ANKRD30A: variants seen among roughly 807,000 people sequenced by gnomAD.
ANKRD30A encodes the protein ankyrin repeat domain 30A.
ANKRD30A carries 170 observed loss-of-function variants against 166.3 expected under a neutral mutation model. That is an observed-to-expected ratio of 1.02 (90% CI 0.90 to 1.16). The LOEUF (loss-of-function observed/expected upper bound fraction) is 1.16. Ranked by LOEUF, ANKRD30A falls within the 50% of genes most tolerant of loss-of-function variation. The pLI is 0.00. For synonymous variants in ANKRD30A, 564 were observed against 508.9 expected (o/e 1.11, Z -1.46); for missense variants, 1,630 against 1,518.0 (o/e 1.07, Z -1.23).
In ANKRD30A at chr10:37,217,856, G is replaced by A. The variant is rs199618076; in HGVS notation, c.3245G>A (p.Ser1082Asn). The A allele has an allele frequency of 3.3e-5, 51 of 1,553,738 alleles. No individual in the cohort carries two copies. The highest frequency in any genetic ancestry group is 4.4e-5 in the Non-Finnish European group (51 of 1,157,204). ...AGAATACAAGATATAGAATTGAAGA[G>A]TGTAGAAAGTAATTTGAATCAGGTA... is the stretch of plus-strand genomic sequence containing the variant. ...ALRIQDIELK[S>N]VESNLNQVSH... The change falls in exon 33 of 36, where the codon AGT becomes AAT. Residue 1082 changes from serine to asparagine, a missense_variant. Physicochemically the swap from Ser to Asn is conservative, Grantham distance 46. Transcript: ENST00000361713.
chr10:37,145,062 G>T lies in ANKRD30A; in HGVS notation c.1455+6G>T, dbSNP rs752549907. ...AATATTCTTGTGATTCTCGGGTATT[G>T]TGTATTATTGATGTTATTCTCTAAA... On this transcript the variant is annotated splice_donor_region_variant and intron_variant, in intron 8 of 35. Coordinates refer to ENST00000361713, the MANE Select transcript of ANKRD30A (RefSeq NM_052997.3). The T allele has an allele frequency of 1.3e-6, 2 of 1,569,176 alleles. No homozygotes were observed. The highest frequency in any genetic ancestry group is 1.7e-6 in the Non-Finnish European group (2 of 1,154,970).
chr10:37,264,280 A>G, the ANKRD30A span, among the ~76,000 whole-genome samples: 1 of 152,188 alleles, frequency 6.6e-6, no homozygotes, highest in East Asian at 1.9e-4. Context: ...TCTTAGAGAA[A>G]GGCCAGCCAT....
intron 17 of ANKRD30A, 111 bp from the exon 18 acceptor site, chr10:37,164,983 G>A: frequency 1.5e-5 from 17 of 1,150,178 alleles, no homozygotes; most frequent in Non-Finnish European, 2.1e-5. Context: ...GAACATATGG[G>A]CCACAGAGGA....
Position 37,219,268 on chromosome 10 carries a change from C to G in ANKRD30A, c.3556C>G (p.Gln1186Glu), listed in dbSNP as rs751004520. 3.1e-6 allele frequency: 5 copies of G among 1,610,320 alleles called. No individual in the cohort carries two copies. In the South Asian group the frequency reaches 4.4e-5, roughly 14 times the overall value. Residue 1186 changes from glutamine to glutamate, a missense_variant, in exon 34 of 36, where the codon CAA becomes GAA. This residue lies in a region of ANKRD30A where 712 missense variants were observed against 629.3 expected (regional missense o/e 1.13). Transcript: ENST00000361713. ...TMLTSKLKEK[Q>E]DKEILEAEIE... is the part of the protein sequence containing the mutation. ...GCTCACTTCTAAATTGAAGGAAAAA[C>G]AAGACAAAGAAATACTAGAGGCAGA...
chr10:37,137,751 C>A (rs191887497), intron 6 of ANKRD30A, among the ~76,000 whole-genome samples: 3,041 of 152,222 alleles, frequency 0.02, 89 homozygotes, highest in African/African-American at 0.068. Context: ...TGGAGCCCAC[C>A]GCAGCTCAAG....
the ANKRD30A span, among the ~76,000 whole-genome samples, chr10:37,237,705 A>G: frequency 6.6e-6 from 1 of 152,210 alleles, no homozygotes; most frequent in Admixed American, 6.5e-5. Flanking sequence ...TTAGCAGTTT[A>G]TTAACCTTTT....
chr10:37,167,425 C>A (rs964398909), intron 19 of ANKRD30A, among the ~76,000 whole-genome samples: 11 of 151,044 alleles, frequency 7.3e-5, no homozygotes, highest in African/African-American at 2.2e-4. Flanking sequence ...TTTTATAAAA[C>A]CTCATTAGCA....
intron 31 of ANKRD30A, among the ~76,000 whole-genome samples, chr10:37,210,602 A>G (rs1313263156): frequency 6.6e-6 from 1 of 152,098 alleles, no homozygotes. Flanking sequence ...AAACGATTCT[A>G]TTTCTCCACA....
the ANKRD30A span, among the ~76,000 whole-genome samples, chr10:37,264,940 G>A: frequency 6.6e-6 from 1 of 152,166 alleles, no homozygotes; most frequent in Non-Finnish European, 1.5e-5. Context: ...ACATAGTACT[G>A]ATATGTGCAG....
At chr10:37,199,424 T>G (rs911843840) in intron 29 of ANKRD30A, among the ~76,000 whole-genome samples, 6 of 152,040 alleles carry the variant, frequency 3.9e-5, no homozygotes, top group African/African-American at 1.4e-4. Context: ...GAACAGGAAA[T>G]ATAGGATATA....
chr10:37,238,767 A>G, the ANKRD30A span, among the ~76,000 whole-genome samples: 4 of 152,280 alleles, frequency 2.6e-5, 1 homozygote, highest in South Asian at 8.3e-4. Context: ...GTGAAAATGT[A>G]TATTTTCATA....
chr10:37,253,740 G>A, the ANKRD30A span, among the ~76,000 whole-genome samples: 11 of 150,296 alleles, frequency 7.3e-5, no homozygotes, highest in South Asian at 8.5e-4. Flanking sequence ...CGCCACCTCC[G>A]GGCTTCACGC....
rs369971599 is a variant in ANKRD30A, at chr10:37,198,072, T to C, written c.2716+592T>C. 3.3e-5 allele frequency among the ~76,000 whole-genome samples: 5 copies of C among 152,228 alleles called. No individual in the cohort carries two copies. The East Asian group carries it at 9.6e-4, about 29-fold the overall frequency. On this transcript the variant is annotated intron_variant, in intron 29 of 35. Coordinates refer to ENST00000361713, the MANE Select transcript of ANKRD30A (RefSeq NM_052997.3). ...CTTTGTGAATATTTGATAAACACACTTTTTCATGAAACTGTGATTCTGAAG... is the reference window on the plus strand; with the variant it reads ...CTTTGTGAATATTTGATAAACACACCTTTTCATGAAACTGTGATTCTGAAG...
At chr10:37,156,413 G>T (rs928396813) in intron 13 of ANKRD30A, among the ~76,000 whole-genome samples, 2 of 152,048 alleles carry the variant, frequency 1.3e-5, no homozygotes, top group African/African-American at 2.4e-5. Context: ...TTCCTACCCG[G>T]TTCCTCTGCA....
intron 25 of ANKRD30A, among the ~76,000 whole-genome samples, chr10:37,191,924 G>A (rs1840615116): frequency 6.6e-6 from 1 of 152,082 alleles, no homozygotes; most frequent in South Asian, 2.1e-4. Flanking sequence ...GAACCCGCGA[G>A]GCGGAGCTTG....
At chr10:37,247,898 A>G in the ANKRD30A span, among the ~76,000 whole-genome samples, 1 of 151,312 alleles carries the variant, frequency 6.6e-6, no homozygotes, top group Non-Finnish European at 1.5e-5. Flanking sequence ...AAAAAAAAAA[A>G]GAAAAAATAA....
At chr10:37,205,533 G>T (rs1274493707) in intron 31 of ANKRD30A, among the ~76,000 whole-genome samples, 4 of 152,168 alleles carry the variant, frequency 2.6e-5, no homozygotes, top group Admixed American at 6.5e-5. Context: ...CACCAATATG[G>T]CACATGTATA....
At chr10:37,264,983 A>C in the ANKRD30A span, among the ~76,000 whole-genome samples, 3 of 152,058 alleles carry the variant, frequency 2.0e-5, no homozygotes, top group Non-Finnish European at 4.4e-5. Flanking sequence ...AGCTATTTTG[A>C]GTTGCTCATA....
chr10:37,253,186 A>G, the ANKRD30A span, among the ~76,000 whole-genome samples: 2 of 152,122 alleles, frequency 1.3e-5, no homozygotes, highest in Non-Finnish European at 1.5e-5. Context: ...TACCATGTCT[A>G]TCATAGCCAC....
Sources: allele counts gnomAD v4.1 joint callset (sites outside exome capture counted in the v4.1 genomes callset), GRCh38; gene constraint gnomAD v4.1.1; regional missense constraint gnomAD v4.1.1; transcripts MANE v1.5; gene names NCBI Gene and HGNC (gene_info 2026-07-23, HGNC 2026-07-21).